KCNQ3: variants seen among roughly 807,000 people sequenced by gnomAD.
The protein encoded by KCNQ3 is potassium voltage-gated channel subfamily KQT member 3.
Under a neutral mutation model 92.5 loss-of-function variants are expected in KCNQ3, and 30 were observed. That is an observed-to-expected ratio of 0.32 (90% CI 0.24 to 0.44). The LOEUF (loss-of-function observed/expected upper bound fraction) is 0.44, where lower values mean the gene tolerates loss of function less well. KCNQ3 is among the 20% of genes least tolerant of loss of function. KCNQ3 has a pLI of 1.00. For missense variants in KCNQ3, 913 were observed against 1,140.3 expected, an observed-to-expected ratio of 0.80 and a Z score of 2.87; for synonymous variants, 450 against 468.8, an observed-to-expected ratio of 0.96 and a Z score of 0.52.
In KCNQ3 at chr8:132,277,074, T is replaced by A. The variant is rs534789277; in HGVS notation, c.387-90893A>T. Among the ~76,000 whole-genome samples the A allele has an allele frequency of 6.0e-3, 884 of 148,134 alleles. 12 individuals carry two copies. The highest frequency in any genetic ancestry group is 0.016 in the African/African-American group (652 of 40,722). ...CAAAAACATAATAAACAATAATTTTTAAAAAAAAAAAGGAAAAAGAAACTT... is the reference window on the plus strand; with the variant it reads ...CAAAAACATAATAAACAATAATTTTAAAAAAAAAAAAGGAAAAAGAAACTT... On this transcript the variant is annotated intron_variant, in intron 1 of 14. Transcript: ENST00000388996.
intron 1 of KCNQ3, among the ~76,000 whole-genome samples, chr8:132,442,346 C>T (rs1279137342): frequency 1.3e-5 from 2 of 152,112 alleles, no homozygotes; most frequent in Non-Finnish European, 2.9e-5. Flanking sequence ...GCATTAGGCA[C>T]CTCTCCTCTG....
At chr8:132,192,205 CAG>C (rs1827181432) in intron 1 of KCNQ3, among the ~76,000 whole-genome samples, 1 of 152,212 alleles carries the variant, frequency 6.6e-6, no homozygotes, top group African/African-American at 2.4e-5. Flanking sequence ...CAGGAGGGGG[CAG>C]CAGAGGCCCG....
chr8:132,186,817 CAG>C (rs1586812412), intron 1 of KCNQ3, among the ~76,000 whole-genome samples: 2 of 152,188 alleles, frequency 1.3e-5, no homozygotes, highest in East Asian at 3.9e-4. Flanking sequence ...TTAAAATTCA[CAG>C]AGAGGTCACC....
intron 13 of KCNQ3, 135 bp from the exon 14 acceptor site, chr8:132,132,399 T>G (rs1271147593): frequency 1.4e-6 from 1 of 737,528 alleles, no homozygotes; most frequent in Non-Finnish European, 2.4e-6. Flanking sequence ...AGAGCACCAA[T>G]CAACTCTGGA....
At chr8:132,304,781 A>T (rs1194782663) in intron 1 of KCNQ3, among the ~76,000 whole-genome samples, 2 of 152,124 alleles carry the variant, frequency 1.3e-5, no homozygotes, top group African/African-American at 4.8e-5. Context: ...TAGTATATAA[A>T]CAATGTTTAA....
At position 132,244,473 on chromosome 8, in the gene KCNQ3, G is replaced by T. The variant is rs374045030; in HGVS notation, c.387-58292C>A. ...GTAAAGGCAACTAGTAGATGATAGAGAGGTGTTAAAAAATATTCTGTCCCT... is the reference window on the plus strand; with the variant it reads ...GTAAAGGCAACTAGTAGATGATAGATAGGTGTTAAAAAATATTCTGTCCCT... On this transcript the variant is annotated intron_variant, in intron 1 of 14. Coordinates refer to ENST00000388996, the MANE Select transcript of KCNQ3 (RefSeq NM_004519.4). Among the ~76,000 whole-genome samples, 49 of 152,158 alleles carry T rather than the reference G, an allele frequency of 3.2e-4. No individual in the cohort carries two copies. In the South Asian group the frequency reaches 8.3e-3, roughly 26 times the overall value.
rs566359219 is a variant in KCNQ3, at chr8:132,186,041, A to G, written c.477+50T>C. On this transcript the variant is annotated intron_variant, in intron 2 of 14. Coordinates refer to ENST00000388996, the MANE Select transcript of KCNQ3 (RefSeq NM_004519.4). ...TGCACCCAAGGGCAACCTCCTTTTCATCACTCTGGAAGCCCAACCAGAAGC... is the reference window on the plus strand; with the variant it reads ...TGCACCCAAGGGCAACCTCCTTTTCGTCACTCTGGAAGCCCAACCAGAAGC... 22 of 1,426,276 alleles carry G rather than the reference A, an allele frequency of 1.5e-5. 1 individual carries two copies. The highest frequency in any genetic ancestry group is 3.4e-5 in the South Asian group (3 of 87,142). The allele number at this position is 1,426,276 out of a possible 1,614,324, so 88.4% of individuals were successfully genotyped here.
At chr8:132,293,650 G>C (rs1448835784) in intron 1 of KCNQ3, among the ~76,000 whole-genome samples, 1 of 152,178 alleles carries the variant, frequency 6.6e-6, no homozygotes, top group African/African-American at 2.4e-5. Context: ...GATGCTGTCA[G>C]ACTATAGGGG....
chr8:132,328,541 A>C (rs771175780), intron 1 of KCNQ3, among the ~76,000 whole-genome samples: 2 of 152,134 alleles, frequency 1.3e-5, no homozygotes, highest in South Asian at 4.2e-4. Context: ...CAAGTGATTT[A>C]AAGTCTCCTG....
chr8:132,388,165 A>G (rs1050645301), intron 1 of KCNQ3, among the ~76,000 whole-genome samples: 3 of 152,192 alleles, frequency 2.0e-5, no homozygotes, highest in African/African-American at 7.2e-5. Context: ...TTTTTTTTCC[A>G]TCAAATGAGC....
At chr8:132,212,408 G>T (rs1813889878) in intron 1 of KCNQ3, among the ~76,000 whole-genome samples, 1 of 151,922 alleles carries the variant, frequency 6.6e-6, no homozygotes, top group African/African-American at 2.4e-5. Flanking sequence ...TTTCTTCCAT[G>T]AAAAGCTCTT....
rs1344895311 is a variant in KCNQ3 at position 132,148,383 on chromosome 8, A to T, written c.1263-7052T>A. On this transcript the variant is annotated intron_variant, in intron 9 of 14. Coordinates refer to ENST00000388996, the MANE Select transcript of KCNQ3 (RefSeq NM_004519.4). ...CCCGAGTAGCTGGGATTACAGGCAC[A>T]CACCACTACACCCAGCTAATTTTTT... Among the ~76,000 whole-genome samples the T allele has an allele frequency of 2.6e-5, 4 of 152,068 alleles. No individual in the cohort carries two copies. In the East Asian group the frequency reaches 7.7e-4, roughly 29 times the overall value.
At chr8:132,211,333 T>A (rs1391977586) in intron 1 of KCNQ3, among the ~76,000 whole-genome samples, 6 of 152,214 alleles carry the variant, frequency 3.9e-5, no homozygotes, top group Non-Finnish European at 8.8e-5. Flanking sequence ...TTTTGTATTG[T>A]CTTTGAGCTA....
intron 1 of KCNQ3, among the ~76,000 whole-genome samples, chr8:132,328,509 G>A (rs974393822): frequency 3.3e-5 from 5 of 152,062 alleles, no homozygotes; most frequent in Non-Finnish European, 7.4e-5. Context: ...GGGTGAACAC[G>A]CCCAAGTTAC....
At chr8:132,255,295 T>C (rs2130452828) in intron 1 of KCNQ3, among the ~76,000 whole-genome samples, 1 of 152,322 alleles carries the variant, frequency 6.6e-6, no homozygotes, top group South Asian at 2.1e-4. Context: ...GACTTGTCTA[T>C]ATTTGACCTG....
At chr8:132,427,629 A>C (rs764042012) in intron 1 of KCNQ3, among the ~76,000 whole-genome samples, 12 of 152,230 alleles carry the variant, frequency 7.9e-5, no homozygotes, top group Non-Finnish European at 1.8e-4. Flanking sequence ...TGTTCCAGCA[A>C]GGCCTGGGAT....
chr8:132,323,489 A>C (rs1817953077), intron 1 of KCNQ3, among the ~76,000 whole-genome samples: 1 of 152,232 alleles, frequency 6.6e-6, no homozygotes, highest in Non-Finnish European at 1.5e-5. Flanking sequence ...GGTCGCTTAC[A>C]GAAAAAGTTT....
chr8:132,410,704 A>G (rs963267340), intron 1 of KCNQ3, among the ~76,000 whole-genome samples: 4 of 152,228 alleles, frequency 2.6e-5, no homozygotes, highest in Non-Finnish European at 5.9e-5. Context: ...AGAAACTAAC[A>G]GTCACATTTT....
intron 1 of KCNQ3, among the ~76,000 whole-genome samples, chr8:132,292,902 C>T (rs1399073807): frequency 2.0e-5 from 3 of 152,164 alleles, no homozygotes; most frequent in Admixed American, 2.0e-4. Context: ...GAATGCTAAA[C>T]AGAGAGGCCA....
Sources: allele counts gnomAD v4.1 joint callset (sites outside exome capture counted in the v4.1 genomes callset), GRCh38; gene constraint gnomAD v4.1.1; transcripts MANE v1.5; gene names NCBI Gene and HGNC (gene_info 2026-07-23, HGNC 2026-07-21).